ICA1: variants seen among roughly 807,000 people sequenced by gnomAD.
The protein encoded by ICA1 is 69 kDa islet cell autoantigen.
Under a neutral mutation model 71.0 loss-of-function variants are expected in ICA1, and 40 were observed. The ratio of observed to expected loss-of-function variants is 0.56; its 90% CI spans 0.44 to 0.73. The LOEUF is 0.73. Ranked by LOEUF, ICA1 falls within the 30% of genes least tolerant of loss-of-function variation. The pLI is 0.00. For missense variants in ICA1, 578 were observed against 576.5 expected, an observed-to-expected ratio of 1.00 and a Z score of -0.03; for synonymous variants, 207 against 209.5, an observed-to-expected ratio of 0.99 and a Z score of 0.10.
chr7:8,172,136 A>T (rs1049908767), intron 6 of ICA1, among the ~76,000 whole-genome samples: 1 of 152,036 alleles, frequency 6.6e-6, no homozygotes, highest in Non-Finnish European at 1.5e-5. Context: ...AGTCTTCTAT[A>T]TCCTTATTGA....
At chr7:8,212,661 C>T (rs775508065) in intron 6 of ICA1, among the ~76,000 whole-genome samples, 5 of 152,182 alleles carry the variant, frequency 3.3e-5, no homozygotes, top group Non-Finnish European at 5.9e-5. Flanking sequence ...ATAGGCCTAT[C>T]GGACCTATCC....
chr7:8,123,533 T>C lies in ICA1; in HGVS notation c.1330+4340A>G, dbSNP rs1311717882. On this transcript the variant is annotated intron_variant, in intron 13 of 13. Coordinates refer to ENST00000402384, the MANE Select transcript of ICA1 (RefSeq NM_001136020.3). The surrounding 1 kb of genome is among the most constrained non-coding windows in gnomAD (Gnocchi z 4.1). Reference sequence around the variant, plus strand: ...AGGAAAACCTGAGATGCAGCAGGAGTGTGCCAGAGCGAATGTAGCTGCTGG... The same window carrying C: ...AGGAAAACCTGAGATGCAGCAGGAGCGTGCCAGAGCGAATGTAGCTGCTGG... Among the ~76,000 whole-genome samples, 1 of 152,028 alleles carries C rather than the reference T, an allele frequency of 6.6e-6. No individual in the cohort carries two copies. The highest frequency in any genetic ancestry group is 1.5e-5 in the Non-Finnish European group (1 of 68,000).
chr7:8,118,691 G>A (rs937132971), intron 13 of ICA1, among the ~76,000 whole-genome samples: 1 of 152,178 alleles, frequency 6.6e-6, no homozygotes, highest in Non-Finnish European at 1.5e-5. Flanking sequence ...TAGAAAAGCT[G>A]AGAAGTATTG....
chr7:8,141,226 C>T (rs80214495), intron 10 of ICA1, among the ~76,000 whole-genome samples: 5,104 of 152,304 alleles, frequency 0.034, 127 homozygotes, highest in Middle Eastern at 0.061. Context: ...CATCTCCCAA[C>T]GCTCTGACCC....
chr7:8,172,856 A>T (rs889499953), intron 6 of ICA1, among the ~76,000 whole-genome samples: 8 of 152,176 alleles, frequency 5.3e-5, no homozygotes, highest in African/African-American at 1.9e-4. Context: ...TGCATACATG[A>T]GTTCTTTCTG....
chr7:8,227,776 G>A, intron 4 of ICA1: 1 of 418,504 alleles, frequency 2.4e-6, no homozygotes, highest in South Asian at 1.7e-5. Context: ...GTAGAGATGG[G>A]GGTCTCACTT....
intron 6 of ICA1, among the ~76,000 whole-genome samples, chr7:8,208,341 C>T (rs1383348999): frequency 6.6e-6 from 1 of 152,170 alleles, no homozygotes; most frequent in East Asian, 1.9e-4. Context: ...AGTAGCTACA[C>T]TGCTCCTGTT....
chr7:8,212,247 C>T (rs887136759), intron 6 of ICA1, among the ~76,000 whole-genome samples: 1 of 152,112 alleles, frequency 6.6e-6, no homozygotes, highest in African/African-American at 2.4e-5. Context: ...CACTTCTCTA[C>T]AGAAGAGCTC....
intron 3 of ICA1, among the ~76,000 whole-genome samples, chr7:8,230,922 A>G (rs78897311): frequency 0.037 from 5,615 of 152,274 alleles, 236 homozygotes; most frequent in African/African-American, 0.098. Flanking sequence ...TGTGTATTCT[A>G]TGTGTGGCTG....
chr7:8,192,840 G>A (rs1326863470), intron 6 of ICA1, among the ~76,000 whole-genome samples: 9 of 152,058 alleles, frequency 5.9e-5, no homozygotes. Context: ...TTATTTTAAC[G>A]CTTAAATGAT....
intron 11 of ICA1, 40 bp from the exon 12 acceptor site, chr7:8,138,921 T>C (rs780571056): frequency 6.3e-7 from 1 of 1,596,902 alleles, no homozygotes. Context: ...ATAAGTCAGT[T>C]TCATTTTGTG....
At chr7:8,176,507 A>G (rs1167053436) in intron 6 of ICA1, among the ~76,000 whole-genome samples, 1 of 152,010 alleles carries the variant, frequency 6.6e-6, no homozygotes. Context: ...TACCCTCCAG[A>G]CTCTAAGCTG....
intron 6 of ICA1, among the ~76,000 whole-genome samples, chr7:8,182,737 T>G (rs1003013554): frequency 6.6e-6 from 1 of 152,246 alleles, no homozygotes; most frequent in Non-Finnish European, 1.5e-5. Flanking sequence ...ACATTTTGTC[T>G]TTTAAAAACT....
intron 12 of ICA1, among the ~76,000 whole-genome samples, chr7:8,128,568 G>C (rs1447767234): frequency 6.6e-6 from 1 of 152,206 alleles, no homozygotes; most frequent in Non-Finnish European, 1.5e-5. Context: ...CCATGTGGCA[G>C]CCTGTCCTGC....
Position 8,174,771 on chromosome 7 carries a change from A to AAAAAAAAAAACC in ICA1, c.580-16120_580-16119insGGTTTTTTTTTT, listed in dbSNP as rs1554310916. 5.9e-3 allele frequency among the ~76,000 whole-genome samples: 624 copies of AAAAAAAAAAACC among 105,840 alleles called. 11 individuals carry two copies. Among genetic ancestry groups the AAAAAAAAAAACC allele is most frequent in the African/African-American group, 0.019 (604 of 31,908 alleles). 69.4% of individuals were successfully genotyped at this position (105,840 alleles called of 152,430 possible). A position where few individuals can be genotyped will look rare whatever the true frequency, so the allele number is the denominator to read the frequency against. On this transcript the variant is annotated intron_variant, in intron 6 of 13. Transcript: ENST00000402384. ...ACTGTATCTCAAAAAAAAAAAAAAAAAAAAAAAACAGAGAGAGAGACAAAT... is the reference window on the plus strand; with the variant it reads ...ACTGTATCTCAAAAAAAAAAAAAAAAAAAAAAAAAACCAAAAAAAACAGAGAGAGAGACAAAT...
chr7:8,255,717 CTA>C (rs1223271667), intron 1 of ICA1, among the ~76,000 whole-genome samples: 1 of 151,512 alleles, frequency 6.6e-6, no homozygotes, highest in Non-Finnish European at 1.5e-5. Flanking sequence ...TCTGTGGTCC[CTA>C]TGTTAATTAC....
chr7:8,188,498 T>C (rs1338990360), intron 6 of ICA1, among the ~76,000 whole-genome samples: 1 of 152,238 alleles, frequency 6.6e-6, no homozygotes, highest in Non-Finnish European at 1.5e-5. Context: ...CACTCTGTTA[T>C]GCCACCTTCC....
At chr7:8,155,766 T>C (rs1048097736) in intron 8 of ICA1, among the ~76,000 whole-genome samples, 1 of 152,190 alleles carries the variant, frequency 6.6e-6, no homozygotes, top group Admixed American at 6.5e-5. Context: ...GTGTGCATTA[T>C]ACTTTTAACC....
chr7:8,135,187 T>G (rs981142449), intron 12 of ICA1, among the ~76,000 whole-genome samples: 5 of 152,070 alleles, frequency 3.3e-5, no homozygotes, highest in African/African-American at 1.2e-4. Context: ...TCACCAGGCC[T>G]GGCTAATTTT....
Sources: gnomAD v4.1 joint callset for allele counts (sites outside exome capture counted in the v4.1 genomes callset) on GRCh38, gnomAD v4.1.1 for gene constraint, Gnocchi (gnomAD v3.1) non-coding constraint, MANE v1.5 for transcripts, NCBI Gene and HGNC (gene_info 2026-07-23, HGNC 2026-07-21) for gene names.